The following NLRC5 variants were observed in gnomAD, a reference collection of about 807,000 sequenced individuals.
NLRC5 encodes protein NLRC5.
A neutral mutation model predicts 206.9 loss-of-function variants in NLRC5; 114 were observed. The ratio of observed to expected loss-of-function variants is 0.55; its 90% CI spans 0.47 to 0.64. The LOEUF (loss-of-function observed/expected upper bound fraction) is 0.64, where lower values mean the gene tolerates loss of function less well. Ranked by LOEUF, NLRC5 falls within the 30% of genes least tolerant of loss-of-function variation. NLRC5 has a pLI of 0.00. For synonymous variants in NLRC5, 952 were observed against 962.8 expected, an observed-to-expected ratio of 0.99 and a Z score of 0.21; for missense variants, 2,008 against 2,305.5, an observed-to-expected ratio of 0.87 and a Z score of 2.64.
At position 57,043,498 on chromosome 16, in the gene NLRC5, A is replaced by C. The variant is rs1257757247; in HGVS notation, c.3114-17A>C. ...GGTCCTGAGTGACCTCCATTGTGCC[A>C]CCCCTGTGATCTCCAGCCTCAGTGA... is the stretch of plus-strand genomic sequence containing the variant. On this transcript the variant is annotated splice_polypyrimidine_tract_variant and intron_variant, in intron 19 of 48. Coordinates refer to ENST00000688547, the MANE Select transcript of NLRC5 (RefSeq NM_001384950.1). 2 of 1,608,342 alleles carry C rather than the reference A, an allele frequency of 1.2e-6. No individual in the cohort carries two copies. The highest frequency in any genetic ancestry group is 2.2e-5 in the South Asian group (2 of 90,954).
At chr16:57,006,781 G>A (rs1486881229) in intron 1 of NLRC5, among the ~76,000 whole-genome samples, 2 of 151,756 alleles carry the variant, frequency 1.3e-5, no homozygotes, top group African/African-American at 2.4e-5. Context: ...TACCACTTTG[G>A]TAGATAAAGG....
intron 1 of NLRC5, among the ~76,000 whole-genome samples, chr16:56,992,875 TATTATATC>T (rs1323705221): frequency 1.1e-5 from 1 of 89,738 alleles, no homozygotes; most frequent in East Asian, 4.4e-4. Context: ...AATTAAATCT[TATTATATC>T]ATGTTTTAAA....
chr16:57,016,715 A>G (rs1041032170), intron 1 of NLRC5, among the ~76,000 whole-genome samples: 8 of 152,220 alleles, frequency 5.3e-5, no homozygotes, highest in South Asian at 4.1e-4. Flanking sequence ...AGTAAGGATT[A>G]TTTCATTTTC....
chr16:57,059,657 G>A, intron 30 of NLRC5, 125 bp downstream of exon 30: 2 of 880,078 alleles, frequency 2.3e-6, no homozygotes, highest in East Asian at 3.0e-5. Flanking sequence ...CAAGCTCACT[G>A]CCTGGGTCTG....
chr16:57,069,203 C>T (rs911203291), intron 36 of NLRC5, among the ~76,000 whole-genome samples: 4 of 152,134 alleles, frequency 2.6e-5, no homozygotes, highest in East Asian at 3.8e-4. Flanking sequence ...TTTTAGCAGC[C>T]GTTAATAAAT....
chr16:57,034,591 A>G (rs2062291031), intron 13 of NLRC5: 4 of 214,220 alleles, frequency 1.9e-5, no homozygotes, highest in African/African-American at 9.2e-5. Context: ...GTTCAAGCCC[A>G]GACAGTCTGG....
Position 57,067,477 on chromosome 16 carries a change from G to T in NLRC5, c.4406+7G>T, listed in dbSNP as rs117642890. 6.2e-7 allele frequency: 1 copy of T among 1,613,940 alleles called. No individual in the cohort carries two copies. Among genetic ancestry groups the T allele is most frequent in the Non-Finnish European group, 8.5e-7 (1 of 1,179,840 alleles). On this transcript the variant is annotated splice_region_variant and intron_variant, in intron 35 of 48. Coordinates refer to ENST00000688547, the MANE Select transcript of NLRC5 (RefSeq NM_001384950.1). Reference sequence around the variant, plus strand: ...CCAGGCTGCAGCAGCTCAGGTCAGCGCCTGGAAACTCTGTGTGGGGCCCTG... The same window carrying T: ...CCAGGCTGCAGCAGCTCAGGTCAGCTCCTGGAAACTCTGTGTGGGGCCCTG...
chr16:57,070,909 T>G (rs1597439041), intron 38 of NLRC5, among the ~76,000 whole-genome samples: 1 of 126,344 alleles, frequency 7.9e-6, no homozygotes, highest in African/African-American at 3.5e-5. Context: ...TGAGTGGTGA[T>G]GGTGGTTAAT....
In NLRC5 at chr16:56,994,412, C is replaced by T. The variant is rs8059220; in HGVS notation, c.-128+4795C>T. 8.3e-3 allele frequency among the ~76,000 whole-genome samples: 1,259 copies of T among 152,306 alleles called. 11 individuals are homozygous for T. Among genetic ancestry groups the T allele is most frequent in the African/African-American group, 0.029 (1,192 of 41,552 alleles). On this transcript the variant is annotated intron_variant, in intron 1 of 48. Transcript: ENST00000688547. The stretch of plus-strand genomic sequence containing the variant: ...ATCATGAGTGCATTCAGCTTCTCCA[C>T]TGAGCTTCCACACACCAGGCCCTGC...
chr16:57,014,750 C>A (rs1011242552), intron 1 of NLRC5, among the ~76,000 whole-genome samples: 2 of 151,838 alleles, frequency 1.3e-5, no homozygotes, highest in African/African-American at 2.4e-5. Context: ...GTGGCTTAAA[C>A]AACAGAAACT....
At chr16:57,004,315 A>G (rs1406598049) in intron 1 of NLRC5, among the ~76,000 whole-genome samples, 1 of 152,154 alleles carries the variant, frequency 6.6e-6, no homozygotes, top group Non-Finnish European at 1.5e-5. Context: ...AGCTCTCACA[A>G]TGTTGCCCAG....
chr16:57,082,346 C>A (rs1269040879), intron 48 of NLRC5, 71 bp from the exon 49 acceptor site: 2 of 1,275,276 alleles, frequency 1.6e-6, no homozygotes, highest in Admixed American at 1.9e-5. Context: ...GGGCCTCAGC[C>A]TCCCAATCTG....
intron 1 of NLRC5, among the ~76,000 whole-genome samples, chr16:57,014,603 C>T (rs2059834273): frequency 6.6e-6 from 1 of 152,152 alleles, no homozygotes; most frequent in Non-Finnish European, 1.5e-5. Flanking sequence ...GTTAAAGTAT[C>T]CTGTTGTACA....
At chr16:57,076,929 C>T (rs752441417) in intron 40 of NLRC5, 27 bp downstream of exon 40, 1 of 1,607,382 alleles carries the variant, frequency 6.2e-7, no homozygotes, top group Non-Finnish European at 8.5e-7. Context: ...GCCCCCAGAC[C>T]CAGGACAATT....
chr16:57,003,848 A>T (rs1383498104), intron 1 of NLRC5: 1 of 152,068 alleles, frequency 6.6e-6, no homozygotes, highest in African/African-American at 2.4e-5. Flanking sequence ...GAAGATCCTC[A>T]TTTTACAGAT....
intron 1 of NLRC5, among the ~76,000 whole-genome samples, chr16:57,010,585 C>A (rs756642098): frequency 8.5e-5 from 13 of 152,142 alleles, no homozygotes; most frequent in Non-Finnish European, 1.5e-4. Context: ...GTAGCCCAAG[C>A]TGGTCTCCAA....
Position 57,053,775 on chromosome 16 carries a change from C to T in NLRC5, c.3507-976C>T, listed in dbSNP as rs148127795. Among the ~76,000 whole-genome samples, 605 of 152,276 alleles carry T rather than the reference C, an allele frequency of 4.0e-3. 8 individuals carry two copies. The highest frequency in any genetic ancestry group is 0.016 in the Admixed American group (250 of 15,300). ...AACTCCCGACCTCAAGTGATCCGCC[C>T]GCCTCGGCTTCCCAAAGTACTGAGA... On this transcript the variant is annotated intron_variant, in intron 24 of 48. Transcript: ENST00000688547.
intron 5 of NLRC5, among the ~76,000 whole-genome samples, chr16:57,024,331 T>C (rs1197237283): frequency 6.6e-6 from 1 of 152,190 alleles, no homozygotes; most frequent in Non-Finnish European, 1.5e-5. Flanking sequence ...AGGGGACTTC[T>C]CTCATTCTTG....
chr16:57,003,223 T>A (rs915090348), intron 1 of NLRC5, among the ~76,000 whole-genome samples: 8 of 152,108 alleles, frequency 5.3e-5, no homozygotes, highest in Non-Finnish European at 7.4e-5. Flanking sequence ...TAATTTTTTT[T>A]ATTTTAAGTA....
Sources: allele counts gnomAD v4.1 joint callset (sites outside exome capture counted in the v4.1 genomes callset), GRCh38; gene constraint gnomAD v4.1.1; transcripts MANE v1.5; gene names NCBI Gene and HGNC (gene_info 2026-07-23, HGNC 2026-07-21).